SRPK2: variants seen among roughly 807,000 people sequenced by gnomAD.
SRPK2 encodes the protein SRSF protein kinase 2.
A neutral mutation model predicts 90.8 loss-of-function variants in SRPK2; 21 were observed. The observed-to-expected ratio is 0.23, with a 90% CI of 0.16 to 0.33. The LOEUF is 0.33. Ranked by LOEUF, SRPK2 falls within the 10% of genes least tolerant of loss-of-function variation. The pLI, the probability that SRPK2 is intolerant of heterozygous loss-of-function variation, is 1.00. For missense variants in SRPK2, 620 were observed against 869.0 expected, an observed-to-expected ratio of 0.71 and a Z score of 3.60; for synonymous variants, 288 against 311.1, an observed-to-expected ratio of 0.93 and a Z score of 0.78.
At chr7:105,263,995 T>C (rs1804694279) in intron 2 of SRPK2, among the ~76,000 whole-genome samples, 1 of 152,070 alleles carries the variant, frequency 6.6e-6, no homozygotes, top group Non-Finnish European at 1.5e-5. Flanking sequence ...AAGGGAAAAA[T>C]AGTTATCAAC....
At chr7:105,153,510 T>A (rs943069325) in intron 7 of SRPK2, among the ~76,000 whole-genome samples, 1 of 152,094 alleles carries the variant, frequency 6.6e-6, no homozygotes, top group Non-Finnish European at 1.5e-5. Flanking sequence ...TGTAGATAAG[T>A]CGGGGAACAG....
intron 3 of SRPK2, among the ~76,000 whole-genome samples, chr7:105,172,465 C>G (rs775843661): frequency 1.3e-5 from 2 of 152,082 alleles, no homozygotes; most frequent in Admixed American, 1.3e-4. Context: ...AGAGTGAGAA[C>G]CTTTAAGAGA....
chr7:105,210,916 T>C (rs1252133809), intron 2 of SRPK2, among the ~76,000 whole-genome samples: 1 of 152,020 alleles, frequency 6.6e-6, no homozygotes, highest in Non-Finnish European at 1.5e-5. Flanking sequence ...GCTAGAAGAA[T>C]AGTAAGATAA....
intron 6 of SRPK2, among the ~76,000 whole-genome samples, chr7:105,164,781 A>G (rs1359423380): frequency 1.3e-5 from 2 of 152,170 alleles, no homozygotes; most frequent in Admixed American, 6.6e-5. Context: ...GTCATTTTGG[A>G]GTTTAAATCT....
chr7:105,365,888 G>A (rs1175690425), intron 2 of SRPK2, among the ~76,000 whole-genome samples: 2 of 150,562 alleles, frequency 1.3e-5, no homozygotes, highest in Admixed American at 6.7e-5. Context: ...ACGGAGTCTC[G>A]CTTTGTTGAC....
chr7:105,345,489 A>G (rs913250706), intron 2 of SRPK2, among the ~76,000 whole-genome samples: 2 of 152,216 alleles, frequency 1.3e-5, no homozygotes, highest in African/African-American at 2.4e-5. Flanking sequence ...AATGAATAAT[A>G]TGACCAAGCA....
Position 105,142,232 on chromosome 7 carries a change from C to G in SRPK2, c.1319G>C (p.Ser440Thr), listed in dbSNP as rs201897588. The change falls in exon 11 of 16, where the codon AGC becomes ACC. Residue 440 changes from serine (S) to threonine (T), a missense_variant. Coordinates refer to ENST00000393651, the MANE Select transcript of SRPK2 (RefSeq NM_182692.3). ...TTCACCATTGAATTGTTCATAGGAG[C>G]TGCTATATGTGTAATCACTTTCTGC... is the stretch of plus-strand genomic sequence containing the variant. The part of the protein sequence containing the change: ...PNAESDYTYS[S>T]SYEQFNGELP... 6.2e-7 allele frequency: 1 copy of G among 1,613,934 alleles called. No individual in the cohort carries two copies. Among genetic ancestry groups the G allele is most frequent in the Non-Finnish European group, 8.5e-7 (1 of 1,180,024 alleles).
chr7:105,276,086 T>A (rs7776534), intron 2 of SRPK2, among the ~76,000 whole-genome samples: 71,529 of 141,552 alleles, frequency 0.51, 17,556 homozygotes, highest in Non-Finnish European at 0.55. Context: ...ATATATATAT[T>A]TTTTTTTTTT....
At chr7:105,173,822 T>C (rs1052062632) in intron 3 of SRPK2, among the ~76,000 whole-genome samples, 1 of 151,952 alleles carries the variant, frequency 6.6e-6, no homozygotes, top group African/African-American at 2.4e-5. Context: ...CACTTGAAGA[T>C]CACCATGACT....
At chr7:105,381,682 T>C (rs1285120190) in intron 2 of SRPK2, among the ~76,000 whole-genome samples, 1 of 152,078 alleles carries the variant, frequency 6.6e-6, no homozygotes, top group Non-Finnish European at 1.5e-5. Flanking sequence ...TATTCTACTG[T>C]AGAGGTAGTA....
At chr7:105,282,468 A>G (rs144741032) in intron 2 of SRPK2, among the ~76,000 whole-genome samples, 154 of 152,324 alleles carry the variant, frequency 1.0e-3, no homozygotes, top group African/African-American at 3.6e-3. Context: ...AGATAAATAA[A>G]CTTAACATCA....
intron 3 of SRPK2, among the ~76,000 whole-genome samples, chr7:105,203,265 C>G (rs898291016): frequency 2.0e-5 from 3 of 152,174 alleles, no homozygotes; most frequent in Non-Finnish European, 4.4e-5. Flanking sequence ...GCTGGGATTA[C>G]AGGCTTCAGC....
chr7:105,241,451 T>C (rs1002469181), intron 2 of SRPK2, among the ~76,000 whole-genome samples: 6 of 152,142 alleles, frequency 3.9e-5, no homozygotes, highest in Admixed American at 1.3e-4. Context: ...AATCAAGTTG[T>C]CCCTCATACC....
At chr7:105,173,784 A>AT (rs1389589744) in intron 3 of SRPK2, among the ~76,000 whole-genome samples, 1 of 152,214 alleles carries the variant, frequency 6.6e-6, no homozygotes, top group African/African-American at 2.4e-5. Context: ...TGCTAATAGC[A>AT]TTAGGCAGGG....
At position 105,388,826 on chromosome 7, in the gene SRPK2, G is replaced by C; in HGVS notation, c.-20C>G. ...GCTCATTCCGACGCGGCGGAAGCGG[G>C]GCGGGGGGCTTCGCGACGGCGACGC... On this transcript the variant is annotated 5_prime_UTR_variant, in exon 1 of 16. Coordinates refer to ENST00000393651, the MANE Select transcript of SRPK2 (RefSeq NM_182692.3). 2 of 1,358,786 alleles carry C rather than the reference G, an allele frequency of 1.5e-6. No homozygotes were observed. Among genetic ancestry groups the C allele is most frequent in the Non-Finnish European group, 1.9e-6 (2 of 1,060,778 alleles). The allele number at this position is 1,358,786 out of a possible 1,614,324, so 84.2% of individuals were successfully genotyped here.
chr7:105,325,784 G>A (rs1434798482), intron 2 of SRPK2, among the ~76,000 whole-genome samples: 1 of 152,158 alleles, frequency 6.6e-6, no homozygotes, highest in Non-Finnish European at 1.5e-5. Context: ...AGCCCAGGAG[G>A]TCAAGGGTGC....
At chr7:105,227,773 T>C (rs1798888174) in intron 2 of SRPK2, among the ~76,000 whole-genome samples, 1 of 151,504 alleles carries the variant, frequency 6.6e-6, no homozygotes, top group South Asian at 2.1e-4. Flanking sequence ...CAAAAACATG[T>C]ACATGAATGT....
At chr7:105,138,151 A>G (rs1159569935) in intron 11 of SRPK2, among the ~76,000 whole-genome samples, 2 of 152,234 alleles carry the variant, frequency 1.3e-5, no homozygotes, top group Non-Finnish European at 2.9e-5. Context: ...AAAAAGCGGG[A>G]GAAAGGAAAG....
intron 2 of SRPK2, among the ~76,000 whole-genome samples, chr7:105,306,843 A>G (rs894076406): frequency 4.6e-5 from 7 of 152,238 alleles, no homozygotes; most frequent in Non-Finnish European, 7.3e-5. Context: ...AGGAGGAGAC[A>G]TGGCTAAATA....
Sources: allele counts gnomAD v4.1 joint callset (sites outside exome capture counted in the v4.1 genomes callset), GRCh38; gene constraint gnomAD v4.1.1; transcripts MANE v1.5; gene names NCBI Gene and HGNC (gene_info 2026-07-23, HGNC 2026-07-21).